The following CFAP70 variants were observed in gnomAD, a reference collection of about 807,000 sequenced individuals.
CFAP70 encodes cilia- and flagella-associated protein 70.
CFAP70 carries 81 observed loss-of-function variants against 137.6 expected under a neutral mutation model. The observed-to-expected ratio is 0.59, with a 90% CI of 0.49 to 0.71. The LOEUF (loss-of-function observed/expected upper bound fraction) is 0.71. CFAP70 is among the 30% of genes least tolerant of loss of function. CFAP70 has a pLI of 0.00. For synonymous variants in CFAP70, 382 were observed against 423.6 expected, an observed-to-expected ratio of 0.90 and a Z score of 1.20; for missense variants, 976 against 1,226.7, an observed-to-expected ratio of 0.80 and a Z score of 3.05.
chr10:73,271,208 G>A (rs532683655), intron 24 of CFAP70, among the ~76,000 whole-genome samples: 5 of 152,242 alleles, frequency 3.3e-5, no homozygotes, highest in African/African-American at 1.2e-4. Flanking sequence ...CTCACTGACA[G>A]ATGTGTGAAA....
chr10:73,305,493 G>T (rs1256449272), intron 12 of CFAP70, among the ~76,000 whole-genome samples: 1 of 152,182 alleles, frequency 6.6e-6, no homozygotes, highest in Non-Finnish European at 1.5e-5. Context: ...TACAGGTTCA[G>T]TATAAGCAGG....
At chr10:73,319,901 T>C (rs1183258806) in intron 9 of CFAP70, among the ~76,000 whole-genome samples, 1 of 152,242 alleles carries the variant, frequency 6.6e-6, no homozygotes, top group African/African-American at 2.4e-5. Flanking sequence ...CTGTTGGCCA[T>C]TGACACTTCT....
At chr10:73,290,153 A>C (rs2048066754) in intron 19 of CFAP70, among the ~76,000 whole-genome samples, 1 of 152,202 alleles carries the variant, frequency 6.6e-6, no homozygotes, top group South Asian at 2.1e-4. Context: ...GGATGAACTA[A>C]TTGTGGTATA....
chr10:73,350,826 T>G (rs1164290720), intron 3 of CFAP70, among the ~76,000 whole-genome samples: 1 of 151,832 alleles, frequency 6.6e-6, no homozygotes, highest in East Asian at 1.9e-4. Context: ...AGTGGTGCGC[T>G]CTCAGCTCAC....
At chr10:73,292,166 G>T in intron 16 of CFAP70, 152 bp from the exon 18 acceptor site, 2 of 915,898 alleles carry the variant, frequency 2.2e-6, no homozygotes, top group Non-Finnish European at 3.3e-6. Flanking sequence ...AATGCCTAGT[G>T]CAATCACTGT....
chr10:73,290,615 G>C (rs190072350), intron 19 of CFAP70, among the ~76,000 whole-genome samples: 29 of 152,076 alleles, frequency 1.9e-4, no homozygotes, highest in Middle Eastern at 6.8e-3. Context: ...ACACATGCAA[G>C]GAACACACAA....
intron 9 of CFAP70, among the ~76,000 whole-genome samples, chr10:73,313,619 G>T (rs1302504171): frequency 6.6e-6 from 1 of 151,690 alleles, no homozygotes; most frequent in South Asian, 2.1e-4. Flanking sequence ...GAGGCAGGCG[G>T]ATCATTTGAG....
intron 4 of CFAP70, among the ~76,000 whole-genome samples, chr10:73,347,534 T>C (rs1208168273): frequency 6.6e-6 from 1 of 152,132 alleles, no homozygotes; most frequent in East Asian, 1.9e-4. Context: ...ATATATGTCA[T>C]GGATATAATT....
intron 12 of CFAP70, among the ~76,000 whole-genome samples, chr10:73,307,221 G>A (rs1044286729): frequency 6.6e-6 from 1 of 151,750 alleles, no homozygotes; most frequent in Non-Finnish European, 1.5e-5. Flanking sequence ...ACACAGAAAA[G>A]GAAAGAAGAG....
chr10:73,284,528 A>G (rs1194654345), intron 19 of CFAP70, among the ~76,000 whole-genome samples: 3 of 151,444 alleles, frequency 2.0e-5, no homozygotes, highest in African/African-American at 7.3e-5. Context: ...TAAGTTTGCC[A>G]TTTTAGTATT....
chr10:73,348,395 C>T (rs2053908929), intron 4 of CFAP70, 28 bp downstream of exon 4: 2 of 1,590,434 alleles, frequency 1.3e-6, no homozygotes, highest in African/African-American at 2.7e-5. Flanking sequence ...TTTTCCATTT[C>T]TGCTTTTGGG....
chr10:73,339,939 T>C (rs1202245177), intron 6 of CFAP70, among the ~76,000 whole-genome samples: 1 of 152,250 alleles, frequency 6.6e-6, no homozygotes, highest in Non-Finnish European at 1.5e-5. Context: ...CAGCCCTGTT[T>C]GTGTTACAGC....
chr10:73,307,670 T>G (rs1338264132), intron 12 of CFAP70, among the ~76,000 whole-genome samples: 3 of 152,114 alleles, frequency 2.0e-5, no homozygotes, highest in African/African-American at 4.8e-5. Context: ...ATACAACATT[T>G]ATAAACATAT....
chr10:73,290,604 C>T (rs1032921519), intron 19 of CFAP70, among the ~76,000 whole-genome samples: 1 of 152,054 alleles, frequency 6.6e-6, no homozygotes, highest in African/African-American at 2.4e-5. Flanking sequence ...AATAATAATA[C>T]ACACATGCAA....
intron 25 of CFAP70, among the ~76,000 whole-genome samples, chr10:73,266,074 A>C (rs1231218594): frequency 6.6e-6 from 1 of 152,132 alleles, no homozygotes; most frequent in African/African-American, 2.4e-5. Flanking sequence ...CTTTTACAAT[A>C]AAGTTTTATG....
chr10:73,330,167 C>T (rs1219475085), intron 8 of CFAP70, among the ~76,000 whole-genome samples: 3 of 152,024 alleles, frequency 2.0e-5, no homozygotes, highest in Non-Finnish European at 4.4e-5. Context: ...AAGTCCTACA[C>T]TTGGCTGGGT....
chr10:73,323,356 G>A (rs895351685), intron 8 of CFAP70, among the ~76,000 whole-genome samples: 25 of 149,602 alleles, frequency 1.7e-4, no homozygotes, highest in African/African-American at 4.2e-4. Context: ...CAAGATGGCC[G>A]AATAGGAACA....
At chr10:73,297,389 T>C (rs1404466998) in intron 14 of CFAP70, among the ~76,000 whole-genome samples, 6 of 152,158 alleles carry the variant, frequency 3.9e-5, no homozygotes, top group Admixed American at 6.5e-5. Flanking sequence ...TCATTACTAA[T>C]TGAAGCAATG....
At chr10:73,360,970 C>A (rs1431713265), upstream of CFAP70, among the ~76,000 whole-genome samples, 1 of 151,802 alleles carries the variant, frequency 6.6e-6, no homozygotes, top group African/African-American at 2.4e-5. Context: ...CTTTAGGGTA[C>A]CTGAGAGCAA....
Sources: allele counts gnomAD v4.1 joint callset (sites outside exome capture counted in the v4.1 genomes callset), GRCh38; gene constraint gnomAD v4.1.1; transcripts MANE v1.5; gene names NCBI Gene and HGNC (gene_info 2026-07-23, HGNC 2026-07-21).